The following WWP2 variants were observed in gnomAD, a reference collection of about 807,000 sequenced individuals.
WWP2 encodes NEDD4-like E3 ubiquitin-protein ligase WWP2.
Under a neutral mutation model 121.0 loss-of-function variants are expected in WWP2, and 57 were observed. That is an observed-to-expected ratio of 0.47 (90% CI 0.38 to 0.59). WWP2 has a LOEUF of 0.59. Ranked by LOEUF, WWP2 falls within the 20% of genes least tolerant of loss-of-function variation. The pLI, the probability that WWP2 is intolerant of heterozygous loss-of-function variation, is 0.00. For synonymous variants in WWP2, 449 were observed against 441.3 expected, an observed-to-expected ratio of 1.02 and a Z score of -0.22; for missense variants, 962 against 1,158.9, an observed-to-expected ratio of 0.83 and a Z score of 2.47.
At chr16:69,774,554 G>A (rs1288883565) in intron 1 of WWP2, 1 of 152,170 alleles carries the variant, frequency 6.6e-6, no homozygotes, top group African/African-American at 2.4e-5. Flanking sequence ...ACCACTGCTG[G>A]CCATCATACC....
chr16:69,880,311 T>C (rs1395756704), intron 7 of WWP2, among the ~76,000 whole-genome samples: 1 of 152,122 alleles, frequency 6.6e-6, no homozygotes, highest in Non-Finnish European at 1.5e-5. Flanking sequence ...CATTCTTACA[T>C]ACAGTGAGAA....
chr16:69,932,505 T>A (rs888432800), intron 16 of WWP2, among the ~76,000 whole-genome samples: 1 of 152,206 alleles, frequency 6.6e-6, no homozygotes, highest in African/African-American at 2.4e-5. Context: ...GGCTCTGTTA[T>A]CTACCAATGT....
At chr16:69,767,055 T>C (rs1206208102) in intron 1 of WWP2, among the ~76,000 whole-genome samples, 1 of 151,570 alleles carries the variant, frequency 6.6e-6, no homozygotes, top group Non-Finnish European at 1.5e-5. Context: ...TTTTTTAATC[T>C]TTTTGAAAAC....
intron 6 of WWP2, among the ~76,000 whole-genome samples, chr16:69,849,149 C>T (rs755001712): frequency 9.2e-5 from 14 of 152,222 alleles, no homozygotes; most frequent in South Asian, 2.1e-4. Context: ...TAAACTCAGG[C>T]GGGTGTGAGT....
At chr16:69,781,267 G>A (rs1373392283) in intron 1 of WWP2, among the ~76,000 whole-genome samples, 1 of 152,032 alleles carries the variant, frequency 6.6e-6, no homozygotes, top group Non-Finnish European at 1.5e-5. Context: ...GGGCCATGAG[G>A]TCAGAGAGGG....
intron 9 of WWP2, among the ~76,000 whole-genome samples, chr16:69,916,136 G>A (rs993653056): frequency 3.3e-5 from 5 of 152,092 alleles, no homozygotes; most frequent in Non-Finnish European, 5.9e-5. Context: ...TGTGAGCCTT[G>A]TGTACTTACT....
intron 6 of WWP2, among the ~76,000 whole-genome samples, chr16:69,846,197 A>G (rs1382522068): frequency 1.3e-5 from 2 of 152,108 alleles, no homozygotes; most frequent in Admixed American, 1.3e-4. Context: ...GTAAAGAAAG[A>G]GTTATATCAT....
At chr16:69,824,157 G>C (rs2056642407) in intron 4 of WWP2, among the ~76,000 whole-genome samples, 1 of 152,238 alleles carries the variant, frequency 6.6e-6, no homozygotes, top group Non-Finnish European at 1.5e-5. Context: ...CAGCCTCCCA[G>C]GTTCTCCCAG....
chr16:69,883,050 G>A (rs2151931870), intron 7 of WWP2, among the ~76,000 whole-genome samples: 1 of 152,122 alleles, frequency 6.6e-6, no homozygotes, highest in South Asian at 2.1e-4. Context: ...CTACTTGGGA[G>A]GCTGAGGCAG....
At chr16:69,807,369 T>G (rs546754934) in intron 4 of WWP2, among the ~76,000 whole-genome samples, 3 of 151,964 alleles carry the variant, frequency 2.0e-5, no homozygotes, top group Admixed American at 6.6e-5. Flanking sequence ...AATGAAAACA[T>G]GTTTGCTTTG....
intron 8 of WWP2, among the ~76,000 whole-genome samples, chr16:69,892,758 T>G (rs1020126470): frequency 2.6e-5 from 4 of 152,182 alleles, no homozygotes; most frequent in African/African-American, 9.7e-5. Flanking sequence ...GGTCTCAAAC[T>G]CCTAGGCTCA....
rs1158046447 is a variant in WWP2 at position 69,940,831 on chromosome 16, G to A, written c.*891G>A. 1 of 153,426 alleles carries A rather than the reference G, an allele frequency of 6.5e-6. No homozygotes were observed. Among genetic ancestry groups the A allele is most frequent in the African/African-American group, 2.4e-5 (1 of 41,464 alleles). 9.5% of individuals were successfully genotyped at this position (153,426 alleles called of 1,614,324 possible). A position where few individuals can be genotyped will look rare whatever the true frequency, so the allele number is the denominator to read the frequency against. ...TGACCCGGCGGCACAGCCTGGCAGGGACCTCGTCCCCAAGCCTGGCAGAAT... is the reference window on the plus strand; with the variant it reads ...TGACCCGGCGGCACAGCCTGGCAGGAACCTCGTCCCCAAGCCTGGCAGAAT... On this transcript the variant is annotated 3_prime_UTR_variant, in exon 24 of 24. Transcript: ENST00000359154.
chr16:69,874,920 G>A (rs1337878100), intron 7 of WWP2, among the ~76,000 whole-genome samples: 2 of 152,052 alleles, frequency 1.3e-5, no homozygotes, highest in Admixed American at 1.3e-4. Flanking sequence ...TACTCAGGAG[G>A]CTGAGCCAGG....
At chr16:69,808,113 A>T (rs1283916355) in intron 4 of WWP2, among the ~76,000 whole-genome samples, 1 of 152,196 alleles carries the variant, frequency 6.6e-6, no homozygotes, top group Non-Finnish European at 1.5e-5. Context: ...TCCTCCCTGA[A>T]ATAACCACTA....
At chr16:69,838,171 T>C (rs1203122383) in intron 4 of WWP2, among the ~76,000 whole-genome samples, 1 of 152,088 alleles carries the variant, frequency 6.6e-6, no homozygotes, top group Non-Finnish European at 1.5e-5. Context: ...ATGATAAAAA[T>C]GACAGCTTAT....
Position 69,888,110 on chromosome 16 carries a change from G to A in WWP2, c.775G>A (p.Ala259Thr). The A allele has an allele frequency of 1.2e-6, 2 of 1,614,214 alleles. No homozygotes were observed. The highest frequency in any genetic ancestry group is 2.2e-5 in the East Asian group (1 of 44,888). Residue 259 changes from alanine to threonine, a missense_variant, in exon 8 of 24, where the codon GCA becomes ACA. Coordinates refer to ENST00000359154, the MANE Select transcript of WWP2 (RefSeq NM_001270454.2). ...SVVGVTSPPA[A>T]PLSVTPNPNT... The stretch of plus-strand genomic sequence containing the variant: ...TGTTGGTGTGACGTCCCCACCTGCT[G>A]CACCCTTGAGTGTGACCCCGAATCC...
At chr16:69,845,833 T>C (rs1427380823) in intron 6 of WWP2, among the ~76,000 whole-genome samples, 1 of 151,724 alleles carries the variant, frequency 6.6e-6, no homozygotes, top group Non-Finnish European at 1.5e-5. Flanking sequence ...GCAGATCACT[T>C]GAGGTCAGGA....
intron 4 of WWP2, among the ~76,000 whole-genome samples, chr16:69,820,194 C>G (rs1355748222): frequency 6.6e-6 from 1 of 152,288 alleles, no homozygotes; most frequent in African/African-American, 2.4e-5. Flanking sequence ...GATCATGCCA[C>G]TGTACTCCAG....
At chr16:69,815,645 G>C (rs970770222) in intron 4 of WWP2, among the ~76,000 whole-genome samples, 2 of 151,834 alleles carry the variant, frequency 1.3e-5, no homozygotes, top group African/African-American at 4.8e-5. Flanking sequence ...AAATTAGCCG[G>C]GTGTGGTGGC....
Sources: allele counts gnomAD v4.1 joint callset (sites outside exome capture counted in the v4.1 genomes callset), GRCh38; gene constraint gnomAD v4.1.1; transcripts MANE v1.5; gene names NCBI Gene and HGNC (gene_info 2026-07-23, HGNC 2026-07-21).